CNTNAP2: variants seen among roughly 807,000 people sequenced by gnomAD.
CNTNAP2 encodes contactin-associated protein-like 2.
Under a neutral mutation model 155.2 loss-of-function variants are expected in CNTNAP2, and 98 were observed. That is an observed-to-expected ratio of 0.63 (90% CI 0.54 to 0.75). The LOEUF is 0.75. CNTNAP2 is among the 30% of genes least tolerant of loss of function. The pLI, the probability that CNTNAP2 is intolerant of heterozygous loss-of-function variation, is 0.00. For synonymous variants in CNTNAP2, 651 were observed against 631.2 expected (o/e 1.03, Z -0.47); for missense variants, 1,727 against 1,688.1 (o/e 1.02, Z -0.40).
At chr7:146,981,181 TATTG>T (rs1489351413) in intron 3 of CNTNAP2, among the ~76,000 whole-genome samples, 2 of 152,172 alleles carry the variant, frequency 1.3e-5, no homozygotes, top group East Asian at 1.9e-4. Flanking sequence ...ACTTCATAAA[TATTG>T]ATTGATCTCC....
intron 13 of CNTNAP2, among the ~76,000 whole-genome samples, chr7:147,768,569 T>A (rs534446547): frequency 6.6e-6 from 1 of 152,266 alleles, no homozygotes; most frequent in South Asian, 2.1e-4. Flanking sequence ...TTATTTCTTA[T>A]GTTCCCACTG....
intron 15 of CNTNAP2, chr7:148,056,328 C>G (rs1803008256): frequency 6.6e-6 from 1 of 152,136 alleles, no homozygotes; most frequent in African/African-American, 2.4e-5. Context: ...ACCATGCAGT[C>G]AGTTTTCTGT....
At chr7:147,715,008 A>C (rs1796461645) in intron 13 of CNTNAP2, among the ~76,000 whole-genome samples, 1 of 152,096 alleles carries the variant, frequency 6.6e-6, no homozygotes, top group South Asian at 2.1e-4. Flanking sequence ...TGTGTGTATC[A>C]AGTTCTTCCT....
At chr7:148,250,956 T>C (rs1241781854) in intron 20 of CNTNAP2, among the ~76,000 whole-genome samples, 2 of 152,162 alleles carry the variant, frequency 1.3e-5, no homozygotes, top group Non-Finnish European at 2.9e-5. Flanking sequence ...CAAGCAATCC[T>C]CCTGCCTCAG....
chr7:147,380,004 C>A (rs991089792), intron 9 of CNTNAP2, among the ~76,000 whole-genome samples: 4 of 152,104 alleles, frequency 2.6e-5, no homozygotes, highest in Admixed American at 2.6e-4. Context: ...TTTTATTTAG[C>A]ATTTCTAGGT....
At chr7:147,787,211 C>G (rs1563089052) in intron 13 of CNTNAP2, among the ~76,000 whole-genome samples, 1 of 152,186 alleles carries the variant, frequency 6.6e-6, no homozygotes, top group Non-Finnish European at 1.5e-5. Context: ...AACATCAGCA[C>G]TGGTACTGCA....
At chr7:147,287,363 TG>T (rs967500978) in intron 8 of CNTNAP2, among the ~76,000 whole-genome samples, 1 of 151,986 alleles carries the variant, frequency 6.6e-6, no homozygotes, top group African/African-American at 2.4e-5. Context: ...GGAGTAGGAA[TG>T]GGGGTGTGTC....
intron 3 of CNTNAP2, among the ~76,000 whole-genome samples, chr7:146,931,178 A>C (rs1436127312): frequency 2.0e-5 from 3 of 151,892 alleles, no homozygotes; most frequent in Admixed American, 2.0e-4. Context: ...TTGACCACAT[A>C]GTTGGAAGTA....
chr7:146,794,578 T>G (rs1366422571), intron 2 of CNTNAP2, among the ~76,000 whole-genome samples: 1 of 152,194 alleles, frequency 6.6e-6, no homozygotes, highest in East Asian at 1.9e-4. Flanking sequence ...GGGGTAGGTA[T>G]GATTTTGCAG....
chr7:146,392,399 A>G (rs1357611944), intron 1 of CNTNAP2, among the ~76,000 whole-genome samples: 2 of 152,234 alleles, frequency 1.3e-5, no homozygotes, highest in African/African-American at 4.8e-5. Flanking sequence ...AATGTGCATT[A>G]TAATGATGTA....
intron 15 of CNTNAP2, among the ~76,000 whole-genome samples, chr7:147,991,720 T>C (rs1316964146): frequency 1.3e-5 from 2 of 152,208 alleles, no homozygotes; most frequent in African/African-American, 4.8e-5. Context: ...GAGATCCAAG[T>C]AGAGGCTTCC....
intron 3 of CNTNAP2, among the ~76,000 whole-genome samples, chr7:146,967,011 C>T (rs1248327481): frequency 6.6e-6 from 1 of 151,986 alleles, no homozygotes; most frequent in Non-Finnish European, 1.5e-5. Flanking sequence ...AAACGGTGCA[C>T]AGTAGTTGAT....
intron 1 of CNTNAP2, among the ~76,000 whole-genome samples, chr7:146,160,160 A>G (rs1453153980): frequency 1.3e-5 from 2 of 152,222 alleles, no homozygotes. Context: ...CAAAGACACA[A>G]CATACCAGAA....
intron 1 of CNTNAP2, among the ~76,000 whole-genome samples, chr7:146,534,758 C>A (rs185126208): frequency 6.6e-6 from 1 of 151,766 alleles, no homozygotes; most frequent in Non-Finnish European, 1.5e-5. Context: ...AAAGTTCCTA[C>A]GAAGTCAATA....
At chr7:146,483,278 AAAAAATAT>A (rs1250505441) in intron 1 of CNTNAP2, among the ~76,000 whole-genome samples, 67 of 57,434 alleles carry the variant, frequency 1.2e-3, no homozygotes, top group South Asian at 1.7e-3. Context: ...TCCGTCTAAA[AAAAAATAT>A]ATATATATAT....
intron 1 of CNTNAP2, among the ~76,000 whole-genome samples, chr7:146,744,329 G>A (rs1322245994): frequency 2.0e-5 from 3 of 148,574 alleles, no homozygotes; most frequent in South Asian, 2.2e-4. Flanking sequence ...TACATTAGAT[G>A]TATAGAAGCT....
At chr7:147,602,359 ATTTT>A (rs35409223) in intron 12 of CNTNAP2, among the ~76,000 whole-genome samples, 1 of 146,178 alleles carries the variant, frequency 6.8e-6, no homozygotes. Flanking sequence ...ACTTCAGTCT[ATTTT>A]TTTTTTTTTT....
intron 1 of CNTNAP2, among the ~76,000 whole-genome samples, chr7:146,503,137 GT>G (rs762318796): frequency 2.6e-5 from 4 of 152,100 alleles, no homozygotes; most frequent in Non-Finnish European, 5.9e-5. Context: ...CATTCTGTAA[GT>G]CGTAATTTAA....
chr7:148,205,137 C>T (rs1441651943), intron 18 of CNTNAP2, among the ~76,000 whole-genome samples: 2 of 152,164 alleles, frequency 1.3e-5, no homozygotes, highest in African/African-American at 4.8e-5. Context: ...TGTTTGTCCT[C>T]AAGAACCACT....
Sources: gnomAD v4.1 joint callset for allele counts (sites outside exome capture counted in the v4.1 genomes callset) on GRCh38, gnomAD v4.1.1 for gene constraint, MANE v1.5 for transcripts, NCBI Gene and HGNC (gene_info 2026-07-23, HGNC 2026-07-21) for gene names.